The following GRIA1 variants were observed in gnomAD, a reference collection of about 807,000 sequenced individuals.
GRIA1 encodes glutamate receptor 1.
Under a neutral mutation model 99.2 loss-of-function variants are expected in GRIA1, and 31 were observed. That is an observed-to-expected ratio of 0.31 (90% CI 0.23 to 0.42). GRIA1 has a LOEUF of 0.42. GRIA1 is among the 10% of genes least tolerant of loss of function. The pLI is 1.00. For synonymous variants in GRIA1, 438 were observed against 432.4 expected, an observed-to-expected ratio of 1.01 and a Z score of -0.16; for missense variants, 782 against 1,157.5, an observed-to-expected ratio of 0.68 and a Z score of 4.71.
At position 153,580,577 on chromosome 5, in the gene GRIA1, C is replaced by A. The variant is rs1215749570; in HGVS notation, c.221-66351C>A. On this transcript the variant is annotated intron_variant, in intron 2 of 15. Coordinates refer to ENST00000285900, the MANE Select transcript of GRIA1 (RefSeq NM_000827.4). ...GGTGAAATGGTTTAAAATACCCATC[C>A]AGTACATGTCCTAAAATGGACATGA... 2.0e-5 allele frequency among the ~76,000 whole-genome samples: 3 copies of A among 152,104 alleles called. No individual in the cohort carries two copies. In the East Asian group the frequency reaches 5.8e-4, roughly 29 times the overall value.
intron 2 of GRIA1, among the ~76,000 whole-genome samples, chr5:153,506,319 GTGTGTGT>G (rs1755494809): frequency 4.6e-5 from 2 of 43,878 alleles, no homozygotes; most frequent in Non-Finnish European, 1.1e-4. Flanking sequence ...CAAGAAGGGT[GTGTGTGT>G]GTGTGTGTGT....
At chr5:153,808,251 T>C (rs1766571176) in intron 15 of GRIA1, among the ~76,000 whole-genome samples, 1 of 152,054 alleles carries the variant, frequency 6.6e-6, no homozygotes. Context: ...TGAATATCAG[T>C]TCCAAAAACA....
At chr5:153,701,756 C>A (rs1037855607) in intron 10 of GRIA1, among the ~76,000 whole-genome samples, 3 of 151,598 alleles carry the variant, frequency 2.0e-5, no homozygotes, top group Non-Finnish European at 4.4e-5. Context: ...GGAGAAGCAT[C>A]TCTCAACCAC....
chr5:153,602,971 A>G (rs972418710), intron 2 of GRIA1, among the ~76,000 whole-genome samples: 4 of 152,178 alleles, frequency 2.6e-5, no homozygotes, highest in African/African-American at 7.2e-5. Context: ...CTAAGCTTAT[A>G]CCATGGGTCC....
intron 5 of GRIA1, among the ~76,000 whole-genome samples, chr5:153,656,383 T>TTATATATATATATATATA (rs60245651): frequency 0.014 from 1,262 of 91,520 alleles, 21 homozygotes; most frequent in Middle Eastern, 0.023. Context: ...ATAAGTTTGT[T>TTATATATATATATATATA]TATATATATA....
At chr5:153,565,808 T>C (rs1315579712) in intron 2 of GRIA1, among the ~76,000 whole-genome samples, 3 of 152,094 alleles carry the variant, frequency 2.0e-5, no homozygotes, top group African/African-American at 4.8e-5. Flanking sequence ...ATCCATAAAA[T>C]GAAATATTAT....
intron 5 of GRIA1, among the ~76,000 whole-genome samples, chr5:153,656,935 CAT>C (rs1755004976): frequency 6.6e-6 from 1 of 152,164 alleles, no homozygotes; most frequent in South Asian, 2.1e-4. Context: ...TGGAGCATGT[CAT>C]ATATGTGAAA....
chr5:153,559,896 ACTC>A (rs1286600884), intron 2 of GRIA1, among the ~76,000 whole-genome samples: 3 of 151,786 alleles, frequency 2.0e-5, no homozygotes, highest in African/African-American at 7.3e-5. Context: ...TCCTTTGTGC[ACTC>A]CAACCCCACT....
At chr5:153,615,531 C>T (rs377206945) in intron 2 of GRIA1, among the ~76,000 whole-genome samples, 93 of 152,330 alleles carry the variant, frequency 6.1e-4, no homozygotes, top group African/African-American at 2.0e-3. Flanking sequence ...GTAATTCCAG[C>T]TTCTCAGGAG....
chr5:153,553,984 C>T (rs920136328), intron 2 of GRIA1, among the ~76,000 whole-genome samples: 2 of 152,082 alleles, frequency 1.3e-5, no homozygotes, highest in Admixed American at 6.5e-5. Context: ...CAGGTCCTTA[C>T]CCTCCCCCTT....
At chr5:153,586,120 T>G (rs1187260967) in intron 2 of GRIA1, among the ~76,000 whole-genome samples, 1 of 152,208 alleles carries the variant, frequency 6.6e-6, no homozygotes, top group African/African-American at 2.4e-5. Context: ...TGAGCCACTA[T>G]GCACCAGCTC....
At chr5:153,532,687 T>C (rs1758197196) in intron 2 of GRIA1, among the ~76,000 whole-genome samples, 1 of 152,192 alleles carries the variant, frequency 6.6e-6, no homozygotes, top group Admixed American at 6.5e-5. Flanking sequence ...CTAGCCCCTG[T>C]GGGCATCTGG....
intron 2 of GRIA1, among the ~76,000 whole-genome samples, chr5:153,548,411 T>C (rs954382392): frequency 2.6e-5 from 4 of 152,176 alleles, no homozygotes; most frequent in Non-Finnish European, 5.9e-5. Context: ...GCAAGGCGAA[T>C]GGTGTTGTAC....
intron 11 of GRIA1, 74 bp from the exon 12 acceptor site, chr5:153,764,360 C>G: frequency 8.8e-7 from 1 of 1,137,416 alleles, no homozygotes; most frequent in South Asian, 1.2e-5. Flanking sequence ...GCCCCGGACC[C>G]GTGCTCAGTC....
At chr5:153,729,092 G>A (rs1760806499) in intron 11 of GRIA1, among the ~76,000 whole-genome samples, 1 of 150,444 alleles carries the variant, frequency 6.6e-6, no homozygotes, top group Admixed American at 6.6e-5. Context: ...TAGGGACGTG[G>A]ATGAAATTGG....
At chr5:153,537,550 T>C (rs1758695619) in intron 2 of GRIA1, among the ~76,000 whole-genome samples, 2 of 152,188 alleles carry the variant, frequency 1.3e-5, no homozygotes, top group African/African-American at 4.8e-5. Flanking sequence ...GTGATGTCTT[T>C]AGTGTGAAAG....
In GRIA1 at chr5:153,813,469, G is replaced by A. The variant is rs1034956455; in HGVS notation, c.*2244G>A. On this transcript the variant is annotated 3_prime_UTR_variant, in exon 16 of 16. Coordinates refer to ENST00000285900, the MANE Select transcript of GRIA1 (RefSeq NM_000827.4). Reference sequence around the variant, plus strand: ...CTAGAAATGAGGGTCTATGCTATGAGGGGGTCCAAGACTCTGGCGAAATGT... The same window carrying A: ...CTAGAAATGAGGGTCTATGCTATGAAGGGGTCCAAGACTCTGGCGAAATGT... 1 of 152,228 alleles carries A rather than the reference G, an allele frequency of 6.6e-6. No homozygotes were observed. The highest frequency in any genetic ancestry group is 2.1e-4 in the South Asian group (1 of 4,832). The allele number at this position is 152,228 out of a possible 1,614,324, so 9.4% of individuals were successfully genotyped here.
chr5:153,734,349 C>G (rs1761241284), intron 11 of GRIA1, among the ~76,000 whole-genome samples: 1 of 152,086 alleles, frequency 6.6e-6, no homozygotes, highest in African/African-American at 2.4e-5. Flanking sequence ...TGATATTTCA[C>G]CAGAGTAATT....
At chr5:153,761,402 G>C (rs1160430358) in intron 11 of GRIA1, among the ~76,000 whole-genome samples, 1 of 152,132 alleles carries the variant, frequency 6.6e-6, no homozygotes, top group East Asian at 1.9e-4. Flanking sequence ...ATGGCCAACA[G>C]AGTGTATGAA....
Sources: allele counts gnomAD v4.1 joint callset (sites outside exome capture counted in the v4.1 genomes callset), GRCh38; gene constraint gnomAD v4.1.1; transcripts MANE v1.5; gene names NCBI Gene and HGNC (gene_info 2026-07-23, HGNC 2026-07-21).